The following ATXN7L1 variants were observed in gnomAD, a reference collection of about 807,000 sequenced individuals.
ATXN7L1 encodes ataxin 7 like 1.
In ATXN7L1, 15 loss-of-function variants were observed where a neutral mutation model predicts 70.8. The ratio of observed to expected loss-of-function variants is 0.21; its 90% CI spans 0.14 to 0.33. The LOEUF is 0.33. ATXN7L1 is among the 10% of genes least tolerant of loss of function. The pLI is 1.00. For missense variants in ATXN7L1, 975 were observed against 1,097.1 expected, an observed-to-expected ratio of 0.89 and a Z score of 1.57; for synonymous variants, 440 against 445.1, an observed-to-expected ratio of 0.99 and a Z score of 0.14.
chr7:105,695,531 C>T (rs777889378), intron 3 of ATXN7L1, among the ~76,000 whole-genome samples: 5 of 152,154 alleles, frequency 3.3e-5, no homozygotes, highest in Admixed American at 1.3e-4. Flanking sequence ...AAATGCCAAC[C>T]CCTGGTTCCT....
In ATXN7L1 at chr7:105,606,548, T is replaced by C. The variant is rs1792772554; in HGVS notation, c.*1304A>G. 6.6e-6 allele frequency: 1 copy of C among 152,246 alleles called. No homozygotes were observed. The highest frequency in any genetic ancestry group is 1.5e-5 in the Non-Finnish European group (1 of 68,052). The allele number at this position is 152,246 out of a possible 1,614,324, so 9.4% of individuals were successfully genotyped here. A position where few individuals can be genotyped will look rare whatever the true frequency, so the allele number is the denominator to read the frequency against. ...ACCTATTTTATGTTGTGAATTCCTT[T>C]CCTGATTATGATTCCCTACTAGAGC... On this transcript the variant is annotated 3_prime_UTR_variant, in exon 12 of 12. Transcript: ENST00000419735.
chr7:105,701,968 C>T (rs1450529032), intron 3 of ATXN7L1, among the ~76,000 whole-genome samples: 1 of 152,240 alleles, frequency 6.6e-6, no homozygotes, highest in African/African-American at 2.4e-5. Flanking sequence ...CTCAAGCAGA[C>T]GTGTTTGCTA....
At chr7:105,624,025 C>T in intron 8 of ATXN7L1, 50 bp downstream of exon 8, 1 of 1,337,022 alleles carries the variant, frequency 7.5e-7, no homozygotes, top group Non-Finnish European at 9.7e-7. Flanking sequence ...ACCTAAGTGT[C>T]TGCAAAGCAC....
chr7:105,645,761 C>G (rs1277126676), intron 4 of ATXN7L1, among the ~76,000 whole-genome samples: 3 of 151,522 alleles, frequency 2.0e-5, no homozygotes, highest in Non-Finnish European at 4.4e-5. Context: ...TACAGTGAGC[C>G]GAGATAGTGC....
chr7:105,760,375 T>C (rs1800387747), intron 3 of ATXN7L1: 2 of 946,744 alleles, frequency 2.1e-6, no homozygotes, highest in African/African-American at 1.8e-5. Flanking sequence ...AAACAGGCTC[T>C]GAGAGGATCT....
intron 2 of ATXN7L1, among the ~76,000 whole-genome samples, chr7:105,838,767 C>T (rs1003661825): frequency 6.6e-6 from 1 of 152,172 alleles, no homozygotes; most frequent in Non-Finnish European, 1.5e-5. Flanking sequence ...GGAAATGACC[C>T]GAACTCCTGG....
Position 105,724,627 on chromosome 7 carries a change from G to A in ATXN7L1, c.356-59339C>T, listed in dbSNP as rs1251887632. 2.1e-5 allele frequency among the ~76,000 whole-genome samples: 3 copies of A among 142,430 alleles called. 1 individual carries two copies. The highest frequency in any genetic ancestry group is 7.7e-5 in the African/African-American group (3 of 38,770). The allele number at this position is 142,430 out of a possible 152,430, so 93.4% of individuals were successfully genotyped here. ...AAGGAGGCCGGGCGTGGTGGCTCACGCCTGCAATCCCAGCACTATGGGAGG... is the reference window on the plus strand; with the variant it reads ...AAGGAGGCCGGGCGTGGTGGCTCACACCTGCAATCCCAGCACTATGGGAGG... On this transcript the variant is annotated intron_variant, in intron 3 of 11. Transcript: ENST00000419735.
chr7:105,667,189 GGTCTC>G (rs1424936119), intron 3 of ATXN7L1, among the ~76,000 whole-genome samples: 31 of 152,146 alleles, frequency 2.0e-4, no homozygotes, highest in African/African-American at 7.5e-4. Context: ...AGCAGCCAGG[GGTCTC>G]CACCCTCCTC....
chr7:105,660,017 A>G (rs1584570714), intron 4 of ATXN7L1, among the ~76,000 whole-genome samples: 3 of 151,902 alleles, frequency 2.0e-5, no homozygotes, highest in Admixed American at 2.0e-4. Context: ...CGGCAGGACC[A>G]CAACTCTGCT....
intron 2 of ATXN7L1, among the ~76,000 whole-genome samples, chr7:105,817,365 T>C (rs763229374): frequency 5.3e-5 from 8 of 152,236 alleles, no homozygotes; most frequent in Admixed American, 6.5e-5. Context: ...TTTTTTCTTC[T>C]GATTATATTA....
At chr7:105,625,492 C>T (rs914255743) in intron 7 of ATXN7L1, among the ~76,000 whole-genome samples, 2 of 152,166 alleles carry the variant, frequency 1.3e-5, no homozygotes, top group Non-Finnish European at 2.9e-5. Flanking sequence ...CTCAGGTGAT[C>T]TGCCCACCTC....
chr7:105,672,018 T>C (rs1803813730), intron 3 of ATXN7L1, among the ~76,000 whole-genome samples: 2 of 151,532 alleles, frequency 1.3e-5, no homozygotes, highest in East Asian at 3.9e-4. Context: ...CCGGGCGTGG[T>C]GGCTCACGCT....
chr7:105,726,470 G>T (rs1310033321), intron 3 of ATXN7L1, among the ~76,000 whole-genome samples: 1 of 152,154 alleles, frequency 6.6e-6, no homozygotes, highest in Non-Finnish European at 1.5e-5. Context: ...GGTGATGGCT[G>T]GCAGAACCAG....
chr7:105,768,598 T>C (rs1801585428), intron 3 of ATXN7L1, among the ~76,000 whole-genome samples: 1 of 152,246 alleles, frequency 6.6e-6, no homozygotes, highest in African/African-American at 2.4e-5. Context: ...CTTGGAGTTT[T>C]TGGTCTGCAC....
intron 3 of ATXN7L1, among the ~76,000 whole-genome samples, chr7:105,765,315 G>GAAA (rs756390237): frequency 2.2e-5 from 3 of 139,272 alleles, no homozygotes; most frequent in African/African-American, 5.2e-5. Context: ...GCCTGGGTCA[G>GAAA]AAAAAAAAAA....
chr7:105,739,171 C>T (rs1042557388), intron 3 of ATXN7L1, among the ~76,000 whole-genome samples: 2 of 152,194 alleles, frequency 1.3e-5, no homozygotes, highest in Non-Finnish European at 2.9e-5. Flanking sequence ...GGCCTTGCTA[C>T]AGAAAGCGTG....
In ATXN7L1 at chr7:105,857,312, T is replaced by G. The variant is rs541981153; in HGVS notation, c.250+18500A>C. 2.0e-5 allele frequency among the ~76,000 whole-genome samples: 3 copies of G among 152,324 alleles called. No individual in the cohort carries two copies. The South Asian group carries it at 6.2e-4, about 32-fold the overall frequency. On this transcript the variant is annotated intron_variant, in intron 2 of 11. Transcript: ENST00000419735. ...CCCAGGTTAAAGGTCTGGCTGACCATAGACTGAGATATCTTCCTTCCCTGG... is the reference window on the plus strand; with the variant it reads ...CCCAGGTTAAAGGTCTGGCTGACCAGAGACTGAGATATCTTCCTTCCCTGG...
intron 2 of ATXN7L1, among the ~76,000 whole-genome samples, chr7:105,853,592 AAAC>A (rs1450575844): frequency 4.6e-5 from 7 of 151,024 alleles, no homozygotes; most frequent in African/African-American, 1.2e-4. Context: ...CAAACAAAAA[AAAC>A]AAAAAAAGCC....
chr7:105,691,683 A>AAGAG (rs369401233), intron 3 of ATXN7L1: 1 of 151,520 alleles, frequency 6.6e-6, no homozygotes, highest in Non-Finnish European at 1.5e-5. Flanking sequence ...GAAAAAAAAA[A>AAGAG]AGAGAGAGAG....
Sources: gnomAD v4.1 joint callset for allele counts (sites outside exome capture counted in the v4.1 genomes callset) on GRCh38, gnomAD v4.1.1 for gene constraint, MANE v1.5 for transcripts, NCBI Gene and HGNC (gene_info 2026-07-23, HGNC 2026-07-21) for gene names.